The following CDH13 variants were observed in gnomAD, a reference collection of about 807,000 sequenced individuals.
CDH13 encodes cadherin 13, also known as cadherin-13.
Under a neutral mutation model 63.8 loss-of-function variants are expected in CDH13, and 24 were observed. The ratio of observed to expected loss-of-function variants is 0.38; its 90% CI spans 0.27 to 0.53. The LOEUF (loss-of-function observed/expected upper bound fraction) is 0.53, where lower values mean the gene tolerates loss of function less well. CDH13 is among the 20% of genes least tolerant of loss of function. The probability of loss-of-function intolerance (pLI) is 0.85; values close to 1 mark genes in which losing one functional copy is unlikely to be tolerated. For synonymous variants in CDH13, 503 were observed against 355.3 expected (o/e 1.42, Z -4.67); for missense variants, 1,049 against 903.1 (o/e 1.16, Z -2.07).
rs756436982 is a variant in CDH13, at chr16:83,486,570, A to G, written c.875A>G (p.Asp292Gly). 3 of 1,613,972 alleles carry G rather than the reference A, an allele frequency of 1.9e-6. No individual in the cohort carries two copies. Among genetic ancestry groups the G allele is most frequent in the Non-Finnish European group, 1.7e-6 (2 of 1,179,844 alleles). The change falls in exon 7 of 14, where the codon GAC (aspartate) becomes GGC (glycine). Residue 292 changes from aspartate to glycine, a missense_variant. By Grantham distance (94) the Asp-to-Gly change is moderately conservative (BLOSUM62 -1). Coordinates refer to ENST00000567109, the MANE Select transcript of CDH13 (RefSeq NM_001257.5). ...LRYNIRQQTPDKPSPNMFYID... is the reference protein window; with the variant it reads ...LRYNIRQQTPGKPSPNMFYID... ...TATAATATCCGTCAGCAGACGCCTGACAAGCCATCTCCCAACATGTTCTAC... is the reference window on the plus strand; with the variant it reads ...TATAATATCCGTCAGCAGACGCCTGGCAAGCCATCTCCCAACATGTTCTAC...
At chr16:83,052,710 G>C (rs955779754) in intron 3 of CDH13, among the ~76,000 whole-genome samples, 1 of 135,654 alleles carries the variant, frequency 7.4e-6, no homozygotes, top group Non-Finnish European at 1.5e-5. Flanking sequence ...CCAGAAGACA[G>C]AGACTGCAGT....
At chr16:83,290,816 T>A (rs1444189906) in intron 5 of CDH13, among the ~76,000 whole-genome samples, 2 of 152,128 alleles carry the variant, frequency 1.3e-5, no homozygotes, top group African/African-American at 4.8e-5. Flanking sequence ...TGACCATGCA[T>A]CTTCACTCAG....
intron 1 of CDH13, among the ~76,000 whole-genome samples, chr16:82,854,824 A>G (rs2039625106): frequency 6.6e-6 from 1 of 152,202 alleles, no homozygotes; most frequent in South Asian, 2.1e-4. Flanking sequence ...CACTTAAATT[A>G]TGATTTGTTA....
intron 2 of CDH13, among the ~76,000 whole-genome samples, chr16:82,871,463 C>A (rs1443771501): frequency 6.6e-6 from 1 of 152,034 alleles, no homozygotes; most frequent in Admixed American, 6.6e-5. Flanking sequence ...AAAGGAGAGC[C>A]CCAGGGAGAT....
intron 1 of CDH13, among the ~76,000 whole-genome samples, chr16:82,751,864 C>T (rs764770459): frequency 2.6e-5 from 4 of 152,130 alleles, no homozygotes; most frequent in East Asian, 3.9e-4. Context: ...TGGATCCTCC[C>T]GCAGGTGAGT....
chr16:83,299,498 C>T (rs557648250), intron 5 of CDH13, among the ~76,000 whole-genome samples: 6 of 152,282 alleles, frequency 3.9e-5, no homozygotes, highest in East Asian at 1.9e-4. Context: ...TCTGCTTTTC[C>T]GTGGCATGTC....
At chr16:83,229,623 C>A (rs1310465178) in intron 5 of CDH13, among the ~76,000 whole-genome samples, 1 of 151,960 alleles carries the variant, frequency 6.6e-6, no homozygotes, top group African/African-American at 2.4e-5. Context: ...ATCCAGAAGG[C>A]GTATCTTTTC....
chr16:82,947,219 G>A (rs1904831197), intron 2 of CDH13, among the ~76,000 whole-genome samples: 1 of 152,108 alleles, frequency 6.6e-6, no homozygotes, highest in African/African-American at 2.4e-5. Flanking sequence ...CTGCTTGGAT[G>A]TCAAATGCAT....
At position 83,106,628 on chromosome 16, in the gene CDH13, A is replaced by AT. The variant is rs2034779708; in HGVS notation, c.367-18755dup. On this transcript the variant is annotated intron_variant, in intron 3 of 13. Transcript: ENST00000567109. ...ACATGTTGATACATCCACAAGATGT[A>AT]TTGTGCCGCAACTAAAATTATGTTT... Among the ~76,000 whole-genome samples, 4 of 152,370 alleles carry AT rather than the reference A, an allele frequency of 2.6e-5. No individual in the cohort carries two copies. In the South Asian group the frequency reaches 8.3e-4, roughly 32 times the overall value.
At chr16:83,250,258 C>T (rs940844314) in intron 5 of CDH13, among the ~76,000 whole-genome samples, 1 of 152,106 alleles carries the variant, frequency 6.6e-6, no homozygotes, top group African/African-American at 2.4e-5. Context: ...AGTCATTTTT[C>T]CTCCTTTTTA....
chr16:82,673,714 T>C (rs1334455114), intron 1 of CDH13, among the ~76,000 whole-genome samples: 3 of 152,190 alleles, frequency 2.0e-5, no homozygotes, highest in Admixed American at 2.0e-4. Flanking sequence ...AACCTGTATA[T>C]GTTGAGGGCA....
At chr16:83,159,645 G>T (rs887780801) in intron 4 of CDH13, among the ~76,000 whole-genome samples, 1 of 152,216 alleles carries the variant, frequency 6.6e-6, no homozygotes, top group Non-Finnish European at 1.5e-5. Context: ...TTGGGTCACA[G>T]TGGTCACTAA....
chr16:83,081,199 T>C (rs897932063), intron 3 of CDH13, among the ~76,000 whole-genome samples: 7 of 152,064 alleles, frequency 4.6e-5, no homozygotes, highest in Non-Finnish European at 1.0e-4. Flanking sequence ...TCTTTTAACT[T>C]TGAAAAGTTA....
chr16:82,702,630 C>A (rs959702434), intron 1 of CDH13, among the ~76,000 whole-genome samples: 1 of 152,136 alleles, frequency 6.6e-6, no homozygotes, highest in African/African-American at 2.4e-5. Context: ...ATTCTTTCCC[C>A]CACTCAAATT....
rs775599369 is a variant in CDH13 at position 83,799,620 on chromosome 16, GAAT to G, written c.*4597_*4599del. On this transcript the variant is annotated 3_prime_UTR_variant, in exon 14 of 14. Transcript: ENST00000567109. ...ACCTTTTCTGTTTACCAAATACTAA[GAAT>G]AATAATCTAATAATCTGGCTACATC... The G allele has an allele frequency of 2.6e-5, 4 of 152,116 alleles. No homozygotes were observed. The highest frequency in any genetic ancestry group is 5.9e-5 in the Non-Finnish European group (4 of 68,026). 9.4% of individuals were successfully genotyped at this position (152,116 alleles called of 1,614,324 possible).
At chr16:83,238,232 AAG>A (rs67095159) in intron 5 of CDH13, among the ~76,000 whole-genome samples, 1 of 150,918 alleles carries the variant, frequency 6.6e-6, no homozygotes, top group African/African-American at 2.5e-5. Flanking sequence ...TTAAAAAAAA[AAG>A]AGAGATTTAG....
chr16:82,907,499 A>G (rs17742566), intron 2 of CDH13, among the ~76,000 whole-genome samples: 1,775 of 152,322 alleles, frequency 0.012, 14 homozygotes, highest in Non-Finnish European at 0.019. Flanking sequence ...CTGTCGGTCC[A>G]TTCATTTCTG....
chr16:83,518,016 CT>C (rs1368503272), intron 7 of CDH13, among the ~76,000 whole-genome samples: 2 of 152,158 alleles, frequency 1.3e-5, no homozygotes, highest in African/African-American at 4.8e-5. Context: ...CAAATCTCAC[CT>C]TGAATTGTAG....
intron 5 of CDH13, among the ~76,000 whole-genome samples, chr16:83,331,134 C>A (rs1271432893): frequency 6.6e-6 from 1 of 152,124 alleles, no homozygotes; most frequent in Admixed American, 6.5e-5. Flanking sequence ...AAGGGACGGA[C>A]TTGGGCCTTA....
Sources: gnomAD v4.1 joint callset for allele counts (sites outside exome capture counted in the v4.1 genomes callset) on GRCh38, gnomAD v4.1.1 for gene constraint, MANE v1.5 for transcripts, NCBI Gene and HGNC (gene_info 2026-07-23, HGNC 2026-07-21) for gene names.